The following PLCB4 variants were observed in gnomAD, a reference collection of about 807,000 sequenced individuals.
PLCB4 encodes the protein 1-phosphatidylinositol 4,5-bisphosphate phosphodiesterase beta-4.
Under a neutral mutation model 178.8 loss-of-function variants are expected in PLCB4, and 77 were observed. The ratio of observed to expected loss-of-function variants is 0.43; its 90% CI spans 0.36 to 0.52. The LOEUF is 0.52. Among genes scored for constraint, PLCB4 ranks in the 20% least tolerant of loss-of-function variants. The probability of loss-of-function intolerance (pLI) is 0.00; values close to 1 mark genes in which losing one functional copy is unlikely to be tolerated. For missense variants in PLCB4, 1,024 were observed against 1,453.4 expected (o/e 0.70, Z 4.80); for synonymous variants, 496 against 490.8 (o/e 1.01, Z -0.14).
intron 26 of PLCB4, 131 bp downstream of exon 26, chr20:9,420,040 CCT>C: frequency 5.8e-6 from 3 of 514,540 alleles, no homozygotes; most frequent in East Asian, 5.8e-5. Context: ...GATTCCACCC[CCT>C]TTTTAAAAAA....
intron 3 of PLCB4, among the ~76,000 whole-genome samples, chr20:9,299,912 C>T (rs541972060): frequency 1.3e-5 from 2 of 152,078 alleles, no homozygotes; most frequent in African/African-American, 4.8e-5. Flanking sequence ...AACAGCATTG[C>T]ATATTATCAT....
chr20:9,426,503 C>T (rs546497010), intron 28 of PLCB4, among the ~76,000 whole-genome samples: 9 of 152,142 alleles, frequency 5.9e-5, no homozygotes, highest in South Asian at 2.1e-4. Flanking sequence ...CTCAGCCTCC[C>T]GATAGCTAGA....
chr20:9,125,709 C>T (rs1397987458), intron 2 of PLCB4, among the ~76,000 whole-genome samples: 1 of 152,140 alleles, frequency 6.6e-6, no homozygotes, highest in East Asian at 1.9e-4. Flanking sequence ...TTTTACCACC[C>T]AGCCATAGCC....
At chr20:9,299,537 T>C (rs2094680269) in intron 3 of PLCB4, among the ~76,000 whole-genome samples, 1 of 151,976 alleles carries the variant, frequency 6.6e-6, no homozygotes, top group Admixed American at 6.6e-5. Context: ...CTGTGGTTAT[T>C]TTTTTTCTTA....
intron 1 of PLCB4, among the ~76,000 whole-genome samples, chr20:9,086,234 T>A (rs544172026): frequency 9.2e-5 from 14 of 152,138 alleles, no homozygotes; most frequent in Non-Finnish European, 1.8e-4. Context: ...TATGTTTCTG[T>A]GTGAGGATCC....
intron 1 of PLCB4, among the ~76,000 whole-genome samples, chr20:9,071,637 TAAAA>T (rs1048515606): frequency 6.6e-6 from 1 of 152,006 alleles, no homozygotes; most frequent in Non-Finnish European, 1.5e-5. Flanking sequence ...TGCAGATTAT[TAAAA>T]AAAATTAGTA....
intron 3 of PLCB4, among the ~76,000 whole-genome samples, chr20:9,301,499 C>T (rs929149601): frequency 1.3e-5 from 2 of 151,994 alleles, no homozygotes; most frequent in African/African-American, 2.4e-5. Context: ...TCTGGTAATT[C>T]CTGAAGACCA....
At chr20:9,442,320 C>T (rs528088347) in intron 30 of PLCB4, among the ~76,000 whole-genome samples, 1 of 152,192 alleles carries the variant, frequency 6.6e-6, no homozygotes, top group South Asian at 2.1e-4. Context: ...TTGTGCAAAG[C>T]TCTATGAGGA....
Position 9,467,434 on chromosome 20 carries a change from T to A in PLCB4, c.3249-1137T>A, listed in dbSNP as rs547120308. 4.5e-3 allele frequency among the ~76,000 whole-genome samples: 566 copies of A among 125,276 alleles called. 5 individuals are homozygous for A. Among genetic ancestry groups the A allele is most frequent in the African/African-American group, 0.016 (531 of 32,318 alleles). 82.2% of individuals were successfully genotyped at this position (125,276 alleles called of 152,430 possible). A position where few individuals can be genotyped will look rare whatever the true frequency, so the allele number is the denominator to read the frequency against. ...CTAGAACTTAAAGTATAATAAAAAA[T>A]AAATAAATAAATAAAATAAATCCAT... On this transcript the variant is annotated intron_variant, in intron 35 of 39. Transcript: ENST00000378473.
intron 3 of PLCB4, among the ~76,000 whole-genome samples, chr20:9,226,726 C>T (rs1039142810): frequency 2.0e-5 from 3 of 152,130 alleles, no homozygotes; most frequent in Non-Finnish European, 2.9e-5. Flanking sequence ...TATTCCTCCT[C>T]TTCTGTGGGC....
chr20:9,295,800 A>C (rs944836282), intron 3 of PLCB4, among the ~76,000 whole-genome samples: 2 of 152,152 alleles, frequency 1.3e-5, no homozygotes, highest in African/African-American at 4.8e-5. Flanking sequence ...TGGTACCAGT[A>C]CCATGCTGTT....
Position 9,432,045 on chromosome 20 carries a change from A to G in PLCB4, c.2525-3515A>G, listed in dbSNP as rs530322802. Among the ~76,000 whole-genome samples, 16 of 152,292 alleles carry G rather than the reference A, an allele frequency of 1.1e-4. 1 individual carries two copies. The highest frequency in any genetic ancestry group is 3.4e-3 in the Middle Eastern group (1 of 294). Reference sequence around the variant, plus strand: ...AAGTTGAAAGCCCATCTAAGTATCTACCAGTGGGGAATAGTTTGATATAGA... The same window carrying G: ...AAGTTGAAAGCCCATCTAAGTATCTGCCAGTGGGGAATAGTTTGATATAGA... On this transcript the variant is annotated intron_variant, in intron 28 of 39. Coordinates refer to ENST00000378473, the MANE Select transcript of PLCB4 (RefSeq NM_001377142.1).
At chr20:9,110,395 A>T (rs953130279) in intron 2 of PLCB4, among the ~76,000 whole-genome samples, 1 of 152,182 alleles carries the variant, frequency 6.6e-6, no homozygotes. Context: ...CTTGTAAGCT[A>T]TCATTTCTCC....
chr20:9,254,810 A>G (rs1714362594), intron 3 of PLCB4, among the ~76,000 whole-genome samples: 1 of 152,234 alleles, frequency 6.6e-6, no homozygotes, highest in African/African-American at 2.4e-5. Context: ...GGGGATGTTT[A>G]TTGCAAATGG....
At chr20:9,419,725 G>A in intron 25 of PLCB4, 82 bp from the exon 26 acceptor site, 2 of 875,094 alleles carry the variant, frequency 2.3e-6, no homozygotes, top group Non-Finnish European at 3.9e-6. Flanking sequence ...ATGGAGAAAA[G>A]GAAGCATCCA....
At chr20:9,327,816 C>G (rs11906835) in intron 4 of PLCB4, among the ~76,000 whole-genome samples, 4,320 of 152,060 alleles carry the variant, frequency 0.028, 206 homozygotes, top group African/African-American at 0.099. Context: ...AAAATCAATA[C>G]TAATTTACTT....
At chr20:9,146,791 T>C (rs1291237101) in intron 2 of PLCB4, among the ~76,000 whole-genome samples, 1 of 152,070 alleles carries the variant, frequency 6.6e-6, no homozygotes, top group African/African-American at 2.4e-5. Context: ...TAAAAGCAAT[T>C]ATAATAAGAG....
At chr20:9,396,588 G>A (rs1747225763) in intron 19 of PLCB4, among the ~76,000 whole-genome samples, 1 of 152,182 alleles carries the variant, frequency 6.6e-6, no homozygotes, top group Non-Finnish European at 1.5e-5. Context: ...TGTTTGTTAT[G>A]TTTCATGAGA....
intron 1 of PLCB4, 113 bp downstream of exon 1, chr20:9,069,319 T>G (rs1568690020): frequency 6.6e-6 from 1 of 152,294 alleles, no homozygotes; most frequent in Non-Finnish European, 1.5e-5. Flanking sequence ...CGCACCCGGA[T>G]GCCCAGCGGG....
Sources: gnomAD v4.1 joint callset for allele counts (sites outside exome capture counted in the v4.1 genomes callset) on GRCh38, gnomAD v4.1.1 for gene constraint, MANE v1.5 for transcripts, NCBI Gene and HGNC (gene_info 2026-07-23, HGNC 2026-07-21) for gene names.